The following GSE1 variants were observed in gnomAD, a reference collection of about 807,000 sequenced individuals.
The protein encoded by GSE1 is Gse1 coiled-coil protein.
Under a neutral mutation model 112.6 loss-of-function variants are expected in GSE1, and 32 were observed. That is an observed-to-expected ratio of 0.28 (90% CI 0.21 to 0.38). GSE1 has a LOEUF of 0.38. GSE1 is among the 10% of genes least tolerant of loss of function. The pLI is 1.00. For missense variants in GSE1, 2,348 were observed against 1,699.2 expected (o/e 1.38, Z -6.71); for synonymous variants, 1,115 against 735.6 (o/e 1.52, Z -8.35).
At chr16:85,483,482 G>A (rs540761553) in intron 2 of GSE1, among the ~76,000 whole-genome samples, 5 of 152,366 alleles carry the variant, frequency 3.3e-5, no homozygotes, top group African/African-American at 7.2e-5. Flanking sequence ...TCTAGTTCCC[G>A]TGGCCCAGCG....
chr16:85,340,060 A>G (rs563544474), intron 1 of GSE1, among the ~76,000 whole-genome samples: 88 of 152,300 alleles, frequency 5.8e-4, no homozygotes, highest in African/African-American at 2.1e-3. Context: ...ACATTTCTGA[A>G]TCTCAGTCGA....
At chr16:85,494,783 G>A (rs932248783) in intron 2 of GSE1, among the ~76,000 whole-genome samples, 3 of 152,236 alleles carry the variant, frequency 2.0e-5, no homozygotes, top group Non-Finnish European at 4.4e-5. Context: ...AGACTCAGGA[G>A]CTAGAAGGGG....
chr16:85,288,549 G>T (rs1178689795), intron 1 of GSE1, among the ~76,000 whole-genome samples: 2 of 152,234 alleles, frequency 1.3e-5, no homozygotes, highest in Non-Finnish European at 2.9e-5. Flanking sequence ...GCCATGCCCA[G>T]CTGGGGTCAG....
At chr16:85,251,905 C>A (rs1283326035) in intron 1 of GSE1, among the ~76,000 whole-genome samples, 1 of 152,222 alleles carries the variant, frequency 6.6e-6, no homozygotes, top group Non-Finnish European at 1.5e-5. Context: ...GTGCTCAGAG[C>A]CAGCCACTAC....
At chr16:85,281,050 G>A (rs913124044) in intron 1 of GSE1, among the ~76,000 whole-genome samples, 1 of 152,132 alleles carries the variant, frequency 6.6e-6, no homozygotes, top group Non-Finnish European at 1.5e-5. Flanking sequence ...TGAGATGAAC[G>A]GCTCTCCCTG....
At chr16:85,615,368 G>A (rs1203038956) in intron 1 of GSE1, among the ~76,000 whole-genome samples, 3 of 152,244 alleles carry the variant, frequency 2.0e-5, no homozygotes, top group Admixed American at 1.3e-4. Context: ...GAGACTTTCC[G>A]AGACAGCCAG....
chr16:85,578,286 C>T (rs12102555), intron 1 of GSE1, among the ~76,000 whole-genome samples: 68,817 of 152,076 alleles, frequency 0.45, 17,237 homozygotes, highest in East Asian at 0.74. Context: ...CCTTCATCAG[C>T]GTTTTCACCT....
chr16:85,171,625 C>T (rs1462267285), exon 1 of GSE1: 3 of 985,382 alleles, frequency 3.0e-6, no homozygotes, highest in South Asian at 4.7e-5. Flanking sequence ...GAAGTCCGTG[C>T]GGGTGGCCCG....
At chr16:85,501,300 C>A (rs776258278) in intron 2 of GSE1, among the ~76,000 whole-genome samples, 4 of 151,934 alleles carry the variant, frequency 2.6e-5, no homozygotes, top group Admixed American at 6.6e-5. Flanking sequence ...CCGCACCCAG[C>A]CAAGTATGGC....
At chr16:85,275,440 C>T (rs1909261635) in intron 1 of GSE1, among the ~76,000 whole-genome samples, 2 of 152,236 alleles carry the variant, frequency 1.3e-5, no homozygotes, top group African/African-American at 2.4e-5. Context: ...CAAGGAGCAC[C>T]TTGGAGGAAG....
At chr16:85,446,188 C>A (rs944190083) in intron 2 of GSE1, among the ~76,000 whole-genome samples, 1 of 152,164 alleles carries the variant, frequency 6.6e-6, no homozygotes, top group African/African-American at 2.4e-5. Flanking sequence ...GACGTCGGGG[C>A]CTGTTCCCCG....
rs753603843 is a variant in GSE1, at chr16:85,654,961, C to T, written c.767C>T (p.Ala256Val). 2 of 1,605,414 alleles carry T rather than the reference C, an allele frequency of 1.2e-6. No homozygotes were observed. The highest frequency in any genetic ancestry group is 8.5e-7 in the Non-Finnish European group (1 of 1,177,046). Residue 256 changes from alanine (A) to valine (V), a missense_variant, in exon 5 of 16, where the codon GCC (alanine) becomes GTC (valine). By Grantham distance (64) the Ala-to-Val change is moderately conservative. Coordinates refer to ENST00000253458, the MANE Select transcript of GSE1 (RefSeq NM_014615.5). ...GCCTACTACCACCCCAGCTACCTGG[C>T]CCCACACCCCTTCCCCCACCCGGCC... ...AAAYYHPSYL[A>V]PHPFPHPAFR...
At chr16:85,253,691 G>A (rs1314188655) in intron 1 of GSE1, among the ~76,000 whole-genome samples, 1 of 152,232 alleles carries the variant, frequency 6.6e-6, no homozygotes, top group South Asian at 2.1e-4. Flanking sequence ...GGAAGACCTG[G>A]AGGAAGAGTT....
chr16:85,316,263 T>A (rs370385725), intron 1 of GSE1, among the ~76,000 whole-genome samples: 1 of 152,280 alleles, frequency 6.6e-6, no homozygotes, highest in Non-Finnish European at 1.5e-5. Context: ...TAGCCTAATA[T>A]ATTCAAAATA....
intron 1 of GSE1, among the ~76,000 whole-genome samples, chr16:85,215,651 T>A (rs1371106977): frequency 6.6e-6 from 1 of 152,248 alleles, no homozygotes; most frequent in African/African-American, 2.4e-5. Context: ...GGCTGTTGTT[T>A]GTTCACTCAG....
chr16:85,254,689 C>T (rs1906874868), intron 1 of GSE1, among the ~76,000 whole-genome samples: 1 of 152,334 alleles, frequency 6.6e-6, no homozygotes. Context: ...TGACCGTGCT[C>T]CTGGGCGGCA....
chr16:85,609,300 A>G (rs960171945), upstream of GSE1, among the ~76,000 whole-genome samples: 1 of 152,230 alleles, frequency 6.6e-6, no homozygotes, highest in Admixed American at 6.5e-5. Flanking sequence ...GTGCAGTGGC[A>G]CAATCATACC....
chr16:85,500,115 C>T (rs749748020), intron 2 of GSE1, among the ~76,000 whole-genome samples: 6 of 152,198 alleles, frequency 3.9e-5, no homozygotes, highest in Non-Finnish European at 5.9e-5. Context: ...TATTAGGGCC[C>T]CCTCCATATC....
intron 1 of GSE1, among the ~76,000 whole-genome samples, chr16:85,192,690 C>T (rs2074848315): frequency 6.6e-6 from 1 of 152,190 alleles, no homozygotes; most frequent in Admixed American, 6.5e-5. Flanking sequence ...GGCCTCCTGG[C>T]CTCCTCGCCA....
Sources: allele counts gnomAD v4.1 joint callset (sites outside exome capture counted in the v4.1 genomes callset), GRCh38; gene constraint gnomAD v4.1.1; transcripts MANE v1.5; gene names NCBI Gene and HGNC (gene_info 2026-07-23, HGNC 2026-07-21).